SLC8A1: variants seen among roughly 807,000 people sequenced by gnomAD.
SLC8A1 encodes sodium/calcium exchanger 1.
Under a neutral mutation model 68.3 loss-of-function variants are expected in SLC8A1, and 18 were observed. The observed-to-expected ratio is 0.26, with a 90% CI of 0.18 to 0.39. The LOEUF is 0.39. SLC8A1 is among the 10% of genes least tolerant of loss of function. The pLI, the probability that SLC8A1 is intolerant of heterozygous loss-of-function variation, is 1.00. For missense variants in SLC8A1, 985 were observed against 1,156.7 expected (o/e 0.85, Z 2.15); for synonymous variants, 475 against 415.5 (o/e 1.14, Z -1.74).
exon 8 of SLC8A1, chr2:40,102,607 T>G (rs1200426642): frequency 6.6e-6 from 1 of 152,132 alleles, no homozygotes; most frequent in Non-Finnish European, 1.5e-5. Context: ...GATGAGCGTG[T>G]GTGAATGAGC....
chr2:40,252,730 G>A (rs948096348), intron 2 of SLC8A1, among the ~76,000 whole-genome samples: 2 of 144,942 alleles, frequency 1.4e-5, no homozygotes, highest in African/African-American at 5.6e-5. Context: ...ATGCAAACCA[G>A]CTCTTCTTTT....
intron 2 of SLC8A1, among the ~76,000 whole-genome samples, chr2:40,229,951 T>C (rs1368235432): frequency 6.6e-5 from 10 of 152,194 alleles, no homozygotes; most frequent in Non-Finnish European, 1.5e-5. Flanking sequence ...ACATATCTTT[T>C]ATGTTGTTAT....
chr2:40,128,136 T>C (rs945157586), intron 7 of SLC8A1, among the ~76,000 whole-genome samples: 13 of 152,242 alleles, frequency 8.5e-5, no homozygotes, highest in Non-Finnish European at 1.6e-4. Flanking sequence ...CATGATTTCA[T>C]ATCTATAATA....
At chr2:40,357,919 T>C (rs1020308009) in intron 2 of SLC8A1, among the ~76,000 whole-genome samples, 2 of 152,106 alleles carry the variant, frequency 1.3e-5, no homozygotes, top group African/African-American at 4.8e-5. Flanking sequence ...ATCATTGTTT[T>C]TGAGTTGCAT....
chr2:40,206,524 C>T (rs994053072), intron 2 of SLC8A1, among the ~76,000 whole-genome samples: 6 of 151,978 alleles, frequency 3.9e-5, no homozygotes, highest in Admixed American at 3.3e-4. Flanking sequence ...GAATTGTATA[C>T]TGTAGTTTAT....
At chr2:40,385,793 G>A (rs1683370337) in intron 2 of SLC8A1, among the ~76,000 whole-genome samples, 1 of 151,104 alleles carries the variant, frequency 6.6e-6, no homozygotes, top group Admixed American at 6.6e-5. Context: ...AAATATAAGT[G>A]TAAAATATGT....
chr2:40,302,851 C>T (rs376125576), intron 2 of SLC8A1, among the ~76,000 whole-genome samples: 1 of 152,082 alleles, frequency 6.6e-6, no homozygotes, highest in Admixed American at 6.6e-5. Flanking sequence ...ATACATTCCC[C>T]CCAGCAGTGA....
At chr2:40,122,227 T>TGC (rs762972889) in intron 7 of SLC8A1, among the ~76,000 whole-genome samples, 5,167 of 137,244 alleles carry the variant, frequency 0.038, 135 homozygotes, top group South Asian at 0.056. Context: ...CACACACACG[T>TGC]GTGCGCGCGC....
chr2:40,156,329 G>T (rs1340952229), intron 6 of SLC8A1, among the ~76,000 whole-genome samples: 1 of 150,926 alleles, frequency 6.6e-6, no homozygotes, highest in Admixed American at 6.6e-5. Flanking sequence ...AGATTATACA[G>T]TTGGTAAGAG....
At chr2:40,214,027 G>A (rs1456637773) in intron 2 of SLC8A1, among the ~76,000 whole-genome samples, 1 of 152,140 alleles carries the variant, frequency 6.6e-6, no homozygotes. Context: ...TAAGTGTGTA[G>A]CCAGTGGTAG....
intron 2 of SLC8A1, among the ~76,000 whole-genome samples, chr2:40,262,818 G>C (rs893902747): frequency 6.6e-6 from 1 of 152,112 alleles, no homozygotes; most frequent in Non-Finnish European, 1.5e-5. Flanking sequence ...TATTATATGA[G>C]AGAGTTGCTA....
At chr2:40,392,245 GAAGCAAGCAAGCAAGC>G (rs148095673) in intron 2 of SLC8A1, among the ~76,000 whole-genome samples, 4 of 150,910 alleles carry the variant, frequency 2.7e-5, no homozygotes. Context: ...AAAGAGAAAG[GAAGCAAGCAAGCAAGC>G]AAGCAAGCAA....
intron 2 of SLC8A1, among the ~76,000 whole-genome samples, chr2:40,196,697 A>C (rs1233439977): frequency 6.6e-6 from 1 of 152,028 alleles, no homozygotes; most frequent in Non-Finnish European, 1.5e-5. Flanking sequence ...AAATATCATT[A>C]AGGGCCTTAA....
intron 2 of SLC8A1, among the ~76,000 whole-genome samples, chr2:40,307,484 A>G (rs1223013386): frequency 2.6e-5 from 4 of 152,208 alleles, no homozygotes; most frequent in Non-Finnish European, 5.9e-5. Flanking sequence ...TATACTTAAC[A>G]CTATTGAACT....
At chr2:40,196,566 A>G (rs1224174068) in intron 2 of SLC8A1, among the ~76,000 whole-genome samples, 1 of 152,000 alleles carries the variant, frequency 6.6e-6, no homozygotes, top group Non-Finnish European at 1.5e-5. Flanking sequence ...AAAGGTGAGC[A>G]TGGGGAATCT....
At chr2:40,130,508 C>T (rs1423105569) in intron 7 of SLC8A1, among the ~76,000 whole-genome samples, 4 of 152,360 alleles carry the variant, frequency 2.6e-5, no homozygotes, top group Non-Finnish European at 4.4e-5. Context: ...CCCGTGCTGC[C>T]CGTCTGGCAG....
At chr2:40,479,634 T>TCC (rs1704504348) in intron 1 of SLC8A1, among the ~76,000 whole-genome samples, 1 of 152,162 alleles carries the variant, frequency 6.6e-6, no homozygotes, top group Admixed American at 6.5e-5. Context: ...GTAAGTGAGC[T>TCC]TTTCATGCTC....
intron 1 of SLC8A1, among the ~76,000 whole-genome samples, chr2:40,499,838 C>T (rs1003690887): frequency 1.3e-5 from 2 of 152,114 alleles, no homozygotes; most frequent in African/African-American, 2.4e-5. Context: ...CTTTGCCTCT[C>T]ATCCCAAGTC....
intron 2 of SLC8A1, among the ~76,000 whole-genome samples, chr2:40,307,561 A>G (rs961811357): frequency 1.3e-5 from 2 of 152,242 alleles, no homozygotes; most frequent in Non-Finnish European, 2.9e-5. Context: ...TTAAAAAGAT[A>G]TAAATAATTC....
Sources: gnomAD v4.1 joint callset for allele counts (sites outside exome capture counted in the v4.1 genomes callset) on GRCh38, gnomAD v4.1.1 for gene constraint, MANE v1.5 for transcripts, NCBI Gene and HGNC (gene_info 2026-07-23, HGNC 2026-07-21) for gene names.